The following STRN4 variants were observed in gnomAD, a reference collection of about 807,000 sequenced individuals.
The protein encoded by STRN4 is striatin 4, also known as striatin-4.
In STRN4, 27 loss-of-function variants were observed where a neutral mutation model predicts 77.9. The observed-to-expected ratio is 0.35, with a 90% CI of 0.26 to 0.48. The LOEUF is 0.48. Ranked by LOEUF, STRN4 falls within the 20% of genes least tolerant of loss-of-function variation. The probability of loss-of-function intolerance (pLI) is 0.99; values close to 1 mark genes in which losing one functional copy is unlikely to be tolerated. For synonymous variants in STRN4, 466 were observed against 443.1 expected, an observed-to-expected ratio of 1.05 and a Z score of -0.65; for missense variants, 798 against 1,049.7, an observed-to-expected ratio of 0.76 and a Z score of 3.31.
chr19:46,743,941 A>ATAAG (rs1171998275), intron 1 of STRN4, among the ~76,000 whole-genome samples: 1 of 151,920 alleles, frequency 6.6e-6, no homozygotes, highest in African/African-American at 2.4e-5. Context: ...AAATAAATAA[A>ATAAG]TAAACAAAAG....
At chr19:46,727,366 C>T (rs2054141400) in intron 9 of STRN4, 86 bp downstream of exon 9, 12 of 1,158,478 alleles carry the variant, frequency 1.0e-5, no homozygotes, top group East Asian at 5.1e-5. Flanking sequence ...GAGCAGGGCA[C>T]GGGCGGCACC....
intron 7 of STRN4, 85 bp downstream of exon 7, chr19:46,728,533 A>G: frequency 6.7e-7 from 1 of 1,503,244 alleles, no homozygotes; most frequent in East Asian, 2.3e-5. Flanking sequence ...GACCCTGTAC[A>G]GGAAGCAGCT....
At chr19:46,742,498 G>A (rs2054491809) in intron 1 of STRN4, among the ~76,000 whole-genome samples, 1 of 152,202 alleles carries the variant, frequency 6.6e-6, no homozygotes, top group African/African-American at 2.4e-5. Flanking sequence ...GTGTGTAAAA[G>A]AGGTGCCGCT....
At chr19:46,729,155 G>T (rs894514915) in intron 6 of STRN4, among the ~76,000 whole-genome samples, 2 of 152,244 alleles carry the variant, frequency 1.3e-5, no homozygotes, top group African/African-American at 4.8e-5. Flanking sequence ...ATGGACCACA[G>T]CATTGCAGCG....
intron 12 of STRN4, among the ~76,000 whole-genome samples, chr19:46,724,590 C>T (rs2054062355): frequency 6.6e-6 from 1 of 152,268 alleles, no homozygotes; most frequent in African/African-American, 2.4e-5. Flanking sequence ...CAGGCAGCTT[C>T]ACCACCTCCT....
rs540805831 is a variant in STRN4 at position 46,740,341 on chromosome 19, T to C, written c.283-1453A>G. On this transcript the variant is annotated intron_variant, in intron 1 of 17. Coordinates refer to ENST00000263280, the MANE Select transcript of STRN4 (RefSeq NM_013403.3). ...GTTACCTTATAGAAAAGAAAACTCATCTGTCCGCTTCAAGAATGGGAAATT... is the reference window on the plus strand; with the variant it reads ...GTTACCTTATAGAAAAGAAAACTCACCTGTCCGCTTCAAGAATGGGAAATT... 5.3e-5 allele frequency: 8 copies of C among 152,204 alleles called. No homozygotes were observed. The South Asian group carries it at 8.3e-4, about 16-fold the overall frequency. 9.4% of individuals were successfully genotyped at this position (152,204 alleles called of 1,614,324 possible).
chr19:46,739,975 C>G (rs139223083), intron 1 of STRN4, among the ~76,000 whole-genome samples: 1,527 of 152,270 alleles, frequency 0.01, 13 homozygotes, highest in Middle Eastern at 0.027. Flanking sequence ...CCCTTGGAGA[C>G]CCCAGATCAA....
intron 16 of STRN4, 21 bp downstream of exon 16, chr19:46,721,965 G>T: frequency 1.9e-6 from 3 of 1,612,952 alleles, no homozygotes; most frequent in Non-Finnish European, 2.5e-6. Flanking sequence ...AACCCTGGTG[G>T]GACTAGTGTG....
intron 8 of STRN4, 105 bp from the exon 9 acceptor site, chr19:46,727,651 AAG>A: frequency 2.0e-5 from 19 of 964,444 alleles, no homozygotes; most frequent in Non-Finnish European, 2.6e-5. Flanking sequence ...GATAAAGAGC[AAG>A]AGAGAGAGAC....
Position 46,725,830 on chromosome 19 carries a change from G to T in STRN4, c.1249-182C>A, listed in dbSNP as rs139637923. On this transcript the variant is annotated intron_variant, in intron 9 of 17. Transcript: ENST00000263280. ...TCTGCTGGGCAGAGTCTCCATGCTC[G>T]CCCAACAAGTCCCCACACTGCGCTG... 262 of 745,618 alleles carry T rather than the reference G, an allele frequency of 3.5e-4. 1 individual carries two copies. Among genetic ancestry groups the T allele is most frequent in the African/African-American group, 3.4e-3 (194 of 56,526 alleles). 46.2% of individuals were successfully genotyped at this position (745,618 alleles called of 1,614,324 possible). A position where few individuals can be genotyped will look rare whatever the true frequency, so the allele number is the denominator to read the frequency against.
At chr19:46,725,428 GT>G (rs1472127371) in intron 10 of STRN4, 44 bp downstream of exon 10, 1 of 1,610,210 alleles carries the variant, frequency 6.2e-7, no homozygotes, top group African/African-American at 1.3e-5. Context: ...TGTCACCCCC[GT>G]CCCCAGATGC....
chr19:46,735,133 C>T (rs965152311), intron 4 of STRN4, among the ~76,000 whole-genome samples: 5 of 151,950 alleles, frequency 3.3e-5, no homozygotes, highest in Admixed American at 6.6e-5. Flanking sequence ...TGGTAAAACG[C>T]TGTCTTTACT....
At position 46,743,614 on chromosome 19, in the gene STRN4, C is replaced by T. The variant is rs996801978; in HGVS notation, c.282+2535G>A. 5.9e-5 allele frequency among the ~76,000 whole-genome samples: 9 copies of T among 152,118 alleles called. No homozygotes were observed. In the East Asian group the frequency reaches 9.7e-4, roughly 16 times the overall value. ...ACAGAACATGGGCTTAAAAGTCTAC[C>T]GACGGTCGGGCATGGTGGCTTATGC... On this transcript the variant is annotated intron_variant, in intron 1 of 17. Coordinates refer to ENST00000263280, the MANE Select transcript of STRN4 (RefSeq NM_013403.3).
intron 6 of STRN4, chr19:46,728,996 C>T (rs975122633): frequency 1.3e-5 from 7 of 555,176 alleles, no homozygotes; most frequent in African/African-American, 3.7e-5. Flanking sequence ...GCAGTCCTTC[C>T]CCTAGCCAGG....
chr19:46,730,981 C>T, intron 5 of STRN4, 108 bp from the exon 6 acceptor site: 1 of 1,485,412 alleles, frequency 6.7e-7, no homozygotes. Flanking sequence ...CCCAGCTAAC[C>T]CCCTAACCCC....
rs769254615 is a variant in STRN4 at position 46,733,256 on chromosome 19, C to G, written c.540-20G>C. The G allele has an allele frequency of 2.5e-6, 4 of 1,604,216 alleles. No individual in the cohort carries two copies. Among genetic ancestry groups the G allele is most frequent in the Non-Finnish European group, 3.4e-6 (4 of 1,178,324 alleles). ...AGGTACCTGCAGGGGTGCAGAGCCA[C>G]GTGGGTCAGACATCCCCTGGGCTTC... is the stretch of plus-strand genomic sequence containing the variant. On this transcript the variant is annotated intron_variant, in intron 4 of 17. Coordinates refer to ENST00000263280, the MANE Select transcript of STRN4 (RefSeq NM_013403.3). This position sits in a 1 kb window ranked among gnomAD's most constrained non-coding sequence, Gnocchi z 4.3.
chr19:46,730,646 GC>G, intron 6 of STRN4, 85 bp downstream of exon 6: 1 of 1,558,666 alleles, frequency 6.4e-7, no homozygotes, highest in Non-Finnish European at 8.7e-7. Context: ...ACACACCGCA[GC>G]CCCTGAAGGC....
intron 1 of STRN4, among the ~76,000 whole-genome samples, chr19:46,744,839 C>A (rs111476621): frequency 6.6e-6 from 1 of 151,956 alleles, no homozygotes; most frequent in African/African-American, 2.4e-5. Context: ...AGACTTCCAG[C>A]GGGCCATTCC....
At chr19:46,725,306 T>C in intron 11 of STRN4, 26 bp downstream of exon 11, 3 of 1,614,022 alleles carry the variant, frequency 1.9e-6, no homozygotes, top group Admixed American at 1.7e-5. Context: ...GACGAGTTTC[T>C]AGCAGGCTCA....
Sources: allele counts gnomAD v4.1 joint callset (sites outside exome capture counted in the v4.1 genomes callset), GRCh38; gene constraint gnomAD v4.1.1; non-coding constraint Gnocchi (gnomAD v3.1); transcripts MANE v1.5; gene names NCBI Gene and HGNC (gene_info 2026-07-23, HGNC 2026-07-21).